PSPC1: variants seen among roughly 807,000 people sequenced by gnomAD.
PSPC1 encodes paraspeckle protein 1.
In PSPC1, 14 loss-of-function variants were observed where a neutral mutation model predicts 51.6. The ratio of observed to expected loss-of-function variants is 0.27; its 90% CI spans 0.18 to 0.42. The LOEUF (loss-of-function observed/expected upper bound fraction) is 0.42. Among genes scored for constraint, PSPC1 ranks in the 10% least tolerant of loss-of-function variants. The pLI, the probability that PSPC1 is intolerant of heterozygous loss-of-function variation, is 1.00. For missense variants in PSPC1, 406 were observed against 701.1 expected (o/e 0.58, Z 4.75); for synonymous variants, 193 against 231.9 (o/e 0.83, Z 1.53).
chr13:19,779,791 T>C (rs1368071128), intron 1 of PSPC1, among the ~76,000 whole-genome samples: 1 of 68,822 alleles, frequency 1.5e-5, no homozygotes, highest in African/African-American at 5.8e-5. Flanking sequence ...GGGGCGCCTC[T>C]GCCCGGCCGC....
At chr13:19,699,146 C>T (rs1383297965), downstream of PSPC1, among the ~76,000 whole-genome samples, 4 of 151,842 alleles carry the variant, frequency 2.6e-5, no homozygotes, top group Non-Finnish European at 4.4e-5. Context: ...GAAACAAAAA[C>T]AAATTCAAAA....
chr13:19,705,458 C>G (rs1440589586), intron 8 of PSPC1, among the ~76,000 whole-genome samples: 1 of 150,894 alleles, frequency 6.6e-6, no homozygotes, highest in East Asian at 1.9e-4. Context: ...GTGCCATGCA[C>G]ACCAGCCTCG....
At chr13:19,741,987 C>T (rs1267973473) in intron 4 of PSPC1, among the ~76,000 whole-genome samples, 1 of 151,952 alleles carries the variant, frequency 6.6e-6, no homozygotes, top group African/African-American at 2.4e-5. Context: ...CAAAAATTAG[C>T]TGGGCATGGT....
At chr13:19,746,474 T>C (rs2138081721) in intron 4 of PSPC1, among the ~76,000 whole-genome samples, 1 of 151,638 alleles carries the variant, frequency 6.6e-6, no homozygotes, top group East Asian at 2.0e-4. Context: ...CCTGTAATCC[T>C]GACACTTTGG....
chr13:19,705,361 C>G (rs190951951), intron 8 of PSPC1, among the ~76,000 whole-genome samples: 3 of 152,130 alleles, frequency 2.0e-5, no homozygotes, highest in Non-Finnish European at 4.4e-5. Flanking sequence ...GGCGTGGTGG[C>G]GCACGCCTGT....
intron 7 of PSPC1, chr13:19,677,683 T>TGTTTCTAA: frequency 2.4e-6 from 1 of 424,498 alleles, no homozygotes; most frequent in Admixed American, 3.1e-5. Context: ...AAACGAATAC[T>TGTTTCTAA]CAAGGATCTG....
chr13:19,709,250 A>T (rs1163650789), intron 7 of PSPC1, among the ~76,000 whole-genome samples: 1 of 152,088 alleles, frequency 6.6e-6, no homozygotes, highest in Non-Finnish European at 1.5e-5. Context: ...TGCAATGACT[A>T]AACTACCTTC....
At chr13:19,698,162 T>C (rs1879467150), downstream of PSPC1, among the ~76,000 whole-genome samples, 2 of 152,030 alleles carry the variant, frequency 1.3e-5, no homozygotes, top group Non-Finnish European at 2.9e-5. Flanking sequence ...TGAATGAATG[T>C]GGCTACTTAA....
chr13:19,722,726 G>T (rs184042854), intron 6 of PSPC1, among the ~76,000 whole-genome samples: 1 of 152,012 alleles, frequency 6.6e-6, no homozygotes, highest in Non-Finnish European at 1.5e-5. Flanking sequence ...CCTGGGAGGC[G>T]GAGGTTGCCA....
chr13:19,744,963 A>G (rs1413844737), intron 4 of PSPC1, among the ~76,000 whole-genome samples: 1 of 152,210 alleles, frequency 6.6e-6, no homozygotes, highest in African/African-American at 2.4e-5. Context: ...CATCTACCGT[A>G]TTACTTATTA....
At chr13:19,767,222 A>G (rs1593756841) in intron 2 of PSPC1, among the ~76,000 whole-genome samples, 1 of 152,154 alleles carries the variant, frequency 6.6e-6, no homozygotes, top group African/African-American at 2.4e-5. Context: ...ATCTGAAGAA[A>G]GAGCATTCTC....
intron 2 of PSPC1, among the ~76,000 whole-genome samples, chr13:19,768,220 G>A (rs1888253899): frequency 6.6e-6 from 1 of 151,180 alleles, no homozygotes; most frequent in South Asian, 2.1e-4. Flanking sequence ...GCAAGACCGT[G>A]TCCCCCCCCA....
chr13:19,677,864 T>G (rs1204953131), intron 6 of PSPC1: 1 of 465,520 alleles, frequency 2.1e-6, no homozygotes, highest in Non-Finnish European at 4.3e-6. Context: ...TTTTAAGAAC[T>G]GATTTCAATA....
chr13:19,735,064 C>T (rs895503884), intron 5 of PSPC1, among the ~76,000 whole-genome samples: 2 of 151,650 alleles, frequency 1.3e-5, no homozygotes, highest in African/African-American at 4.8e-5. Context: ...GTAATCCCAG[C>T]GCTTTGGGAG....
In PSPC1 at chr13:19,747,372, T is replaced by C. The variant is rs1475475812; in HGVS notation, c.967+3899A>G. Among the ~76,000 whole-genome samples, 5 of 152,138 alleles carry C rather than the reference T, an allele frequency of 3.3e-5. No homozygotes were observed. In the South Asian group the frequency reaches 1.0e-3, roughly 31 times the overall value. On this transcript the variant is annotated intron_variant, in intron 4 of 8. Coordinates refer to ENST00000338910, the MANE Select transcript of PSPC1 (RefSeq NM_001354909.2). Reference sequence around the variant, plus strand: ...TTAGAGACAGAGTCTCGTTCTGTCATCCAGGCTGGAGTACAGTGGCATAAT... The same window carrying C: ...TTAGAGACAGAGTCTCGTTCTGTCACCCAGGCTGGAGTACAGTGGCATAAT...
chr13:19,696,495 A>T (rs1017156781), intron 6 of PSPC1, among the ~76,000 whole-genome samples: 2 of 141,892 alleles, frequency 1.4e-5, no homozygotes, highest in Non-Finnish European at 3.1e-5. Context: ...TATCACACAC[A>T]CACGCACACA....
intron 3 of PSPC1, among the ~76,000 whole-genome samples, chr13:19,758,470 T>C (rs2138190657): frequency 6.6e-6 from 1 of 152,330 alleles, no homozygotes; most frequent in African/African-American, 2.4e-5. Flanking sequence ...AGGAATACCC[T>C]GCTCTACCCT....
At position 19,782,891 on chromosome 13, in the gene PSPC1, C is replaced by G. The variant is rs1451596424; in HGVS notation, c.-134G>C. The G allele has an allele frequency of 3.8e-6, 4 of 1,054,646 alleles. No homozygotes were observed. Among genetic ancestry groups the G allele is most frequent in the Non-Finnish European group, 5.0e-6 (4 of 793,700 alleles). The allele number at this position is 1,054,646 out of a possible 1,614,324, so 65.3% of individuals were successfully genotyped here. On this transcript the variant is annotated 5_prime_UTR_variant, in exon 1 of 9. Transcript: ENST00000338910. The surrounding 1 kb of genome is among the most constrained non-coding windows in gnomAD (Gnocchi z 4.5). ...TCAAGAGACCGCTAGGTAGGCGAGT[C>G]GGCAACCCGTCCTCCCCCAACTCAC... is the stretch of plus-strand genomic sequence containing the variant.
At chr13:19,726,404 TA>T (rs1335956278) in intron 6 of PSPC1, among the ~76,000 whole-genome samples, 2 of 152,230 alleles carry the variant, frequency 1.3e-5, no homozygotes, top group African/African-American at 2.4e-5. Flanking sequence ...TGAATCAAAA[TA>T]CTTGGAGGAC....
Sources: allele counts gnomAD v4.1 joint callset (sites outside exome capture counted in the v4.1 genomes callset), GRCh38; gene constraint gnomAD v4.1.1; non-coding constraint Gnocchi (gnomAD v3.1); transcripts MANE v1.5; gene names NCBI Gene and HGNC (gene_info 2026-07-23, HGNC 2026-07-21).